Variants in GLG1 observed in about 807,000 individuals in gnomAD.
GLG1 encodes the protein golgi glycoprotein 1.
In GLG1, 38 loss-of-function variants were observed where a neutral mutation model predicts 160.5. The ratio of observed to expected loss-of-function variants is 0.24; its 90% confidence interval spans 0.18 to 0.31. The LOEUF (loss-of-function observed/expected upper bound fraction) is 0.31, where lower values mean the gene tolerates loss of function less well. GLG1 is among the 10% of genes least tolerant of loss of function. The pLI is 1.00. For synonymous variants in GLG1, 644 were observed against 543.4 expected (o/e 1.19, Z -2.57); for missense variants, 1,373 against 1,505.2 (o/e 0.91, Z 1.45).
intron 1 of GLG1, among the ~76,000 whole-genome samples, chr16:74,602,137 G>A (rs187584529): frequency 6.6e-6 from 1 of 152,226 alleles, no homozygotes; most frequent in African/African-American, 2.4e-5. Context: ...GAGTCTAAAA[G>A]GGGGTTTATG....
intron 8 of GLG1, among the ~76,000 whole-genome samples, chr16:74,487,211 G>A (rs2015824914): frequency 6.6e-6 from 1 of 152,130 alleles, no homozygotes; most frequent in South Asian, 2.1e-4. Context: ...CAGACCTGGG[G>A]TAGAAATCTT....
intron 1 of GLG1, among the ~76,000 whole-genome samples, chr16:74,576,689 G>A (rs1472006274): frequency 6.6e-6 from 1 of 152,168 alleles, no homozygotes; most frequent in Admixed American, 6.5e-5. Context: ...AAATAAGGTT[G>A]CTGGAGAAAT....
chr16:74,458,956 C>T (rs1409330625), intron 23 of GLG1, among the ~76,000 whole-genome samples: 1 of 152,008 alleles, frequency 6.6e-6, no homozygotes, highest in Non-Finnish European at 1.5e-5. Flanking sequence ...TTAGTATGCT[C>T]CAGACAAGAC....
chr16:74,492,751 G>A (rs139087209), intron 7 of GLG1, among the ~76,000 whole-genome samples: 10,569 of 151,694 alleles, frequency 0.07, 471 homozygotes, highest in Non-Finnish European at 0.1. Flanking sequence ...CACGGAAGGC[G>A]GAGCTTGCAG....
chr16:74,519,766 T>C (rs1193919034), intron 2 of GLG1, among the ~76,000 whole-genome samples: 1 of 152,082 alleles, frequency 6.6e-6, no homozygotes, highest in East Asian at 1.9e-4. Context: ...TTACGTTAAT[T>C]ACCTCCATAT....
intron 25 of GLG1, among the ~76,000 whole-genome samples, chr16:74,455,178 A>G (rs188830381): frequency 1.3e-5 from 2 of 152,294 alleles, no homozygotes; most frequent in African/African-American, 4.8e-5. Flanking sequence ...ACGGACCTTG[A>G]TGGTAGCCTG....
intron 3 of GLG1, among the ~76,000 whole-genome samples, chr16:74,507,018 T>C (rs534799782): frequency 6.6e-6 from 1 of 152,188 alleles, no homozygotes; most frequent in Non-Finnish European, 1.5e-5. Context: ...GTTTGGTTTG[T>C]ATTAATAGTT....
rs1390594809 is a variant in GLG1, at chr16:74,483,101, T to C, written c.1595A>G (p.His532Arg). The change falls in exon 10 of 26, where the codon CAT becomes CGT. Residue 532 changes from histidine (H) to arginine (R), a missense_variant. Coordinates refer to ENST00000422840, the MANE Select transcript of GLG1 (RefSeq NM_001145667.2). ...DPMILSCLME[H>R]LYTEKMVEDC... ...TTCTACCATCTTCTCTGTGTATAAATGTTCCATCAGGCACGACAAGATCCT... is the reference window on the plus strand; with the variant it reads ...TTCTACCATCTTCTCTGTGTATAAACGTTCCATCAGGCACGACAAGATCCT... 1.9e-6 allele frequency: 3 copies of C among 1,606,308 alleles called. No homozygotes were observed. In the Admixed American group the frequency reaches 5.0e-5, roughly 27 times the overall value.
intron 1 of GLG1, among the ~76,000 whole-genome samples, chr16:74,533,356 T>G (rs1238723997): frequency 2.0e-5 from 3 of 152,132 alleles, no homozygotes; most frequent in African/African-American, 7.2e-5. Flanking sequence ...AAACTTTCAA[T>G]TCCATGACAG....
In GLG1 at chr16:74,483,113, CACG is replaced by C. The variant is rs2015665250; in HGVS notation, c.1580_1582del (p.Ser527del). 6.3e-7 allele frequency: 1 copy of C among 1,594,322 alleles called. No individual in the cohort carries two copies. Among genetic ancestry groups the C allele is most frequent in the African/African-American group, 1.3e-5 (1 of 74,466 alleles). ...CTCTGTGTATAAATGTTCCATCAGG[CACG>C]ACAAGATCCTAGCCATTAAATGTGT... On this transcript the variant is annotated inframe_deletion, in exon 10 of 26. Transcript: ENST00000422840.
intron 1 of GLG1, among the ~76,000 whole-genome samples, chr16:74,561,077 G>A (rs983946950): frequency 2.0e-5 from 3 of 152,172 alleles, no homozygotes; most frequent in African/African-American, 7.2e-5. Flanking sequence ...GCACCTGGGG[G>A]TGCCCAGCTG....
At chr16:74,481,848 G>C (rs751176066) in intron 10 of GLG1, among the ~76,000 whole-genome samples, 1 of 152,018 alleles carries the variant, frequency 6.6e-6, no homozygotes, top group African/African-American at 2.4e-5. Context: ...GCAGTGGCGC[G>C]ATATCGGCTC....
chr16:74,455,784 A>C (rs531010705), intron 25 of GLG1, among the ~76,000 whole-genome samples: 128 of 152,372 alleles, frequency 8.4e-4, no homozygotes, highest in Admixed American at 2.3e-3. Context: ...GACTCTGGGC[A>C]AGTCGTGACC....
chr16:74,470,868 C>T (rs1023232390), intron 15 of GLG1, among the ~76,000 whole-genome samples: 5 of 152,172 alleles, frequency 3.3e-5, no homozygotes, highest in Non-Finnish European at 7.3e-5. Flanking sequence ...AGCAATTCTC[C>T]TGCCTCAGCC....
At chr16:74,453,522 C>T (rs1159236840) in intron 25 of GLG1, among the ~76,000 whole-genome samples, 188 bp from the exon 26 acceptor site, 1 of 152,204 alleles carries the variant, frequency 6.6e-6, no homozygotes, top group African/African-American at 2.4e-5. Context: ...ATACACACGT[C>T]TACTGCACAA....
intron 16 of GLG1, 35 bp downstream of exon 16, chr16:74,469,950 G>C (rs755583660): frequency 1.5e-6 from 2 of 1,308,434 alleles, no homozygotes; most frequent in South Asian, 1.2e-5. Flanking sequence ...GAGGAACTTC[G>C]GGAAAGTGGA....
At chr16:74,581,612 A>G (rs547109942) in intron 1 of GLG1, among the ~76,000 whole-genome samples, 3 of 152,006 alleles carry the variant, frequency 2.0e-5, no homozygotes, top group Admixed American at 2.0e-4. Flanking sequence ...ACTATCTAAA[A>G]GGGAGGACAC....
At chr16:74,505,597 G>T (rs1361689940) in intron 3 of GLG1, among the ~76,000 whole-genome samples, 1 of 152,216 alleles carries the variant, frequency 6.6e-6, no homozygotes, top group Non-Finnish European at 1.5e-5. Flanking sequence ...GCTCATGCCT[G>T]TAATCCTAGC....
intron 1 of GLG1, among the ~76,000 whole-genome samples, chr16:74,562,609 G>T (rs965985338): frequency 1.3e-5 from 2 of 152,222 alleles, no homozygotes; most frequent in East Asian, 3.9e-4. Context: ...ACAGGCATGC[G>T]CCACCACACC....
Sources: allele counts gnomAD v4.1 joint callset (sites outside exome capture counted in the v4.1 genomes callset), GRCh38; gene constraint gnomAD v4.1.1; transcripts MANE v1.5; gene names NCBI Gene and HGNC (gene_info 2026-07-23, HGNC 2026-07-21).